Variants in ZNF609 observed in about 807,000 individuals in gnomAD.
The protein encoded by ZNF609 is zinc finger protein 609.
Under a neutral mutation model 109.5 loss-of-function variants are expected in ZNF609, and 11 were observed. The ratio of observed to expected loss-of-function variants is 0.10; its 90% confidence interval spans 0.06 to 0.17. ZNF609 has a LOEUF of 0.17. Ranked by LOEUF, ZNF609 falls within the 10% of genes least tolerant of loss-of-function variation. The pLI is 1.00. For missense variants in ZNF609, 1,559 were observed against 1,772.4 expected (o/e 0.88, Z 2.16); for synonymous variants, 646 against 662.0 (o/e 0.98, Z 0.37).
chr15:64,617,196 G>T (rs1895813834), intron 2 of ZNF609, among the ~76,000 whole-genome samples: 1 of 150,908 alleles, frequency 6.6e-6, no homozygotes, highest in Non-Finnish European at 1.5e-5. Flanking sequence ...TTTTGTTTTT[G>T]TTTTTTTTGG....
chr15:64,584,730 G>C (rs946286674), intron 2 of ZNF609, among the ~76,000 whole-genome samples: 3 of 151,862 alleles, frequency 2.0e-5, no homozygotes, highest in Admixed American at 2.0e-4. Context: ...CCAAGTTCAA[G>C]TGATTCTCCT....
chr15:64,506,939 G>T (rs576070781), intron 2 of ZNF609, among the ~76,000 whole-genome samples: 148 of 152,278 alleles, frequency 9.7e-4, no homozygotes, highest in Middle Eastern at 3.4e-3. Context: ...TGTTAGCTAA[G>T]ACTTTTTAGC....
chr15:64,474,476 G>A (rs1893139300), intron 1 of ZNF609, among the ~76,000 whole-genome samples: 1 of 152,090 alleles, frequency 6.6e-6, no homozygotes, highest in Non-Finnish European at 1.5e-5. Context: ...GCCTCCCAAA[G>A]TGCTGGGATT....
intron 1 of ZNF609, among the ~76,000 whole-genome samples, chr15:64,468,887 C>T (rs1476032176): frequency 2.0e-5 from 3 of 151,972 alleles, no homozygotes; most frequent in Admixed American, 6.6e-5. Flanking sequence ...ATGATCACTG[C>T]GGTTCCATTT....
At chr15:64,594,112 G>A in intron 2 of ZNF609, among the ~76,000 whole-genome samples, 1 of 152,294 alleles carries the variant, frequency 6.6e-6, no homozygotes, top group African/African-American at 2.4e-5. Context: ...AGAACTGAAA[G>A]AATAGGTTGA....
intron 2 of ZNF609, among the ~76,000 whole-genome samples, chr15:64,522,963 AT>A (rs1893914487): frequency 1.0e-5 from 1 of 100,446 alleles, no homozygotes; most frequent in Admixed American, 1.4e-4. Context: ...CTTTTAATAC[AT>A]TGTGGTTAAA....
intron 2 of ZNF609, among the ~76,000 whole-genome samples, chr15:64,539,356 C>T (rs1274659859): frequency 7.7e-4 from 116 of 150,738 alleles, no homozygotes; most frequent in Non-Finnish European, 1.4e-3. Flanking sequence ...CACAGGCACC[C>T]GCCACCACGC....
chr15:64,578,819 C>T (rs1251373757), intron 2 of ZNF609, among the ~76,000 whole-genome samples: 1 of 152,074 alleles, frequency 6.6e-6, no homozygotes, highest in Admixed American at 6.6e-5. Context: ...AGCAACATGG[C>T]GAAATCCCAT....
At chr15:64,585,970 C>T (rs897058084) in intron 2 of ZNF609, among the ~76,000 whole-genome samples, 3 of 152,076 alleles carry the variant, frequency 2.0e-5, no homozygotes, top group East Asian at 1.9e-4. Flanking sequence ...CTCAGCCTCC[C>T]GAGTAGCAGG....
intron 3 of ZNF609, among the ~76,000 whole-genome samples, chr15:64,638,649 A>G (rs1313796409): frequency 6.6e-6 from 1 of 152,104 alleles, no homozygotes. Flanking sequence ...TAATCCCAGC[A>G]CTTTGGGAGG....
chr15:64,528,065 ATTAT>A (rs1893996316), intron 2 of ZNF609, among the ~76,000 whole-genome samples: 1 of 151,948 alleles, frequency 6.6e-6, no homozygotes, highest in Non-Finnish European at 1.5e-5. Flanking sequence ...AATAGCACAA[ATTAT>A]AGAATTATGC....
chr15:64,484,000 TAATC>T (rs1364703651), intron 1 of ZNF609, among the ~76,000 whole-genome samples: 1 of 152,146 alleles, frequency 6.6e-6, no homozygotes, highest in Non-Finnish European at 1.5e-5. Flanking sequence ...GCTTCCTTGT[TAATC>T]AAATATTAAC....
intron 3 of ZNF609, among the ~76,000 whole-genome samples, chr15:64,659,475 G>A (rs1173116819): frequency 1.2e-4 from 18 of 152,172 alleles, no homozygotes; most frequent in Admixed American, 1.2e-3. Context: ...GAAGGAAGTT[G>A]GATGTAATAG....
At chr15:64,658,417 G>C (rs144158424) in intron 3 of ZNF609, among the ~76,000 whole-genome samples, 74 of 152,060 alleles carry the variant, frequency 4.9e-4, no homozygotes, top group African/African-American at 1.6e-3. Flanking sequence ...GATTGGTCTC[G>C]AACTCCTGAT....
At chr15:64,652,629 C>T (rs1013998038) in intron 3 of ZNF609, among the ~76,000 whole-genome samples, 1 of 152,028 alleles carries the variant, frequency 6.6e-6, no homozygotes, top group Non-Finnish European at 1.5e-5. Flanking sequence ...CTCAAACAAT[C>T]CTCCCACCTT....
At chr15:64,588,290 G>A (rs1470171249) in intron 2 of ZNF609, among the ~76,000 whole-genome samples, 4 of 149,332 alleles carry the variant, frequency 2.7e-5, no homozygotes, top group Admixed American at 1.3e-4. Context: ...TTAGCCGGGC[G>A]TGGTGGCGGG....
intron 3 of ZNF609, among the ~76,000 whole-genome samples, chr15:64,660,770 C>A (rs2141004531): frequency 6.6e-6 from 1 of 152,270 alleles, no homozygotes; most frequent in East Asian, 1.9e-4. Flanking sequence ...TTTCCGCTGC[C>A]TAAAATGTCT....
At chr15:64,492,051 G>A (rs1309991564) in intron 1 of ZNF609, among the ~76,000 whole-genome samples, 1 of 152,038 alleles carries the variant, frequency 6.6e-6, no homozygotes, top group Non-Finnish European at 1.5e-5. Flanking sequence ...AGACCAGCAT[G>A]GCCAACATGG....
chr15:64,499,897 AAGG>A lies in ZNF609; in HGVS notation c.481_483del (p.Glu161del). ...CAGTGTAGCCGGTTCCAAAAAGGAG[AAGG>A]AGAACAGCTCATCTAAGAGCAAGAA... On this transcript the variant is annotated inframe_deletion, in exon 2 of 10. Coordinates refer to ENST00000326648, the MANE Select transcript of ZNF609 (RefSeq NM_015042.2). 6.2e-7 allele frequency: 1 copy of A among 1,613,980 alleles called. No homozygotes were observed. The highest frequency in any genetic ancestry group is 8.5e-7 in the Non-Finnish European group (1 of 1,179,986).
Sources: allele counts gnomAD v4.1 joint callset (sites outside exome capture counted in the v4.1 genomes callset), GRCh38; gene constraint gnomAD v4.1.1; transcripts MANE v1.5; gene names NCBI Gene and HGNC (gene_info 2026-07-23, HGNC 2026-07-21).